EPHA3: variants seen among roughly 807,000 people sequenced by gnomAD.
EPHA3 encodes ephrin type-A receptor 3.
Under a neutral mutation model 107.1 loss-of-function variants are expected in EPHA3, and 42 were observed. That is an observed-to-expected ratio of 0.39 (90% CI 0.31 to 0.51). The LOEUF is 0.51. Among genes scored for constraint, EPHA3 ranks in the 20% least tolerant of loss-of-function variants. The probability of loss-of-function intolerance (pLI) is 0.78; values close to 1 mark genes in which losing one functional copy is unlikely to be tolerated. For missense variants in EPHA3, 1,183 were observed against 1,211.2 expected (o/e 0.98, Z 0.35); for synonymous variants, 461 against 424.8 (o/e 1.09, Z -1.05).
intron 3 of EPHA3, among the ~76,000 whole-genome samples, chr3:89,217,435 A>G (rs908890149): frequency 6.6e-6 from 1 of 152,010 alleles, no homozygotes; most frequent in Admixed American, 6.6e-5. Context: ...AAAACTCTAA[A>G]CTTTGGTCAT....
intron 8 of EPHA3, among the ~76,000 whole-genome samples, chr3:89,407,757 T>C (rs1490484437): frequency 6.6e-6 from 1 of 152,110 alleles, no homozygotes; most frequent in African/African-American, 2.4e-5. Flanking sequence ...GACTTTACCC[T>C]TCATTCCTTC....
At chr3:89,337,473 C>A (rs1707420426) in intron 3 of EPHA3, among the ~76,000 whole-genome samples, 1 of 152,142 alleles carries the variant, frequency 6.6e-6, no homozygotes, top group Admixed American at 6.5e-5. Context: ...TGAGATGGTA[C>A]ATATAAAAGT....
intron 5 of EPHA3, among the ~76,000 whole-genome samples, chr3:89,352,728 A>G (rs1452612742): frequency 6.7e-6 from 1 of 150,234 alleles, no homozygotes; most frequent in Non-Finnish European, 1.5e-5. Context: ...ACATGGTGAA[A>G]CCCTGTCTCT....
intron 3 of EPHA3, among the ~76,000 whole-genome samples, chr3:89,221,129 A>G (rs1704362683): frequency 6.6e-6 from 1 of 152,130 alleles, no homozygotes; most frequent in African/African-American, 2.4e-5. Flanking sequence ...TGGCAGAGAG[A>G]GGCTGAGGTA....
chr3:89,308,200 A>G (rs1251889132), intron 3 of EPHA3, among the ~76,000 whole-genome samples: 2 of 152,188 alleles, frequency 1.3e-5, no homozygotes, highest in East Asian at 3.9e-4. Context: ...CTTTTCAAAG[A>G]ACAAACTGTA....
chr3:89,208,427 A>AAGGAAGGAAGGAAGGAAGGAAGG (rs1559600798), intron 2 of EPHA3, among the ~76,000 whole-genome samples: 6 of 20,134 alleles, frequency 3.0e-4, no homozygotes, highest in African/African-American at 5.5e-4. Flanking sequence ...AGGAAGGAAG[A>AAGGAAGGAAGGAAGGAAGGAAGG]AAGAAAGAAA....
intron 2 of EPHA3, among the ~76,000 whole-genome samples, chr3:89,135,872 C>A (rs1354518784): frequency 6.6e-6 from 1 of 151,380 alleles, no homozygotes; most frequent in Admixed American, 6.6e-5. Context: ...AATCATAGAA[C>A]TGTTTAAAAT....
intron 13 of EPHA3, among the ~76,000 whole-genome samples, chr3:89,436,704 A>G (rs1294896549): frequency 1.3e-5 from 2 of 152,216 alleles, no homozygotes; most frequent in Non-Finnish European, 2.9e-5. Flanking sequence ...GGAGTTGAGG[A>G]AACACCTAAG....
chr3:89,271,397 T>A (rs1485288170), intron 3 of EPHA3, among the ~76,000 whole-genome samples: 1 of 151,998 alleles, frequency 6.6e-6, no homozygotes, highest in African/African-American at 2.4e-5. Flanking sequence ...TCATGATAAA[T>A]GTATTTTTCT....
intron 3 of EPHA3, among the ~76,000 whole-genome samples, chr3:89,279,337 G>T (rs555981193): frequency 2.6e-5 from 4 of 151,752 alleles, no homozygotes; most frequent in South Asian, 2.1e-4. Context: ...TTAGAGAAAA[G>T]GTCGGTGGCC....
At chr3:89,115,594 T>C (rs1707234166) in intron 1 of EPHA3, among the ~76,000 whole-genome samples, 1 of 152,220 alleles carries the variant, frequency 6.6e-6, no homozygotes, top group African/African-American at 2.4e-5. Context: ...AAGACTAATA[T>C]ATCCTCAGTG....
At chr3:89,228,753 G>A (rs527903624) in intron 3 of EPHA3, among the ~76,000 whole-genome samples, 8 of 151,942 alleles carry the variant, frequency 5.3e-5, no homozygotes, top group African/African-American at 1.4e-4. Flanking sequence ...ATGTAAGGAC[G>A]TATGAATGGA....
chr3:89,107,638 C>A lies in EPHA3; in HGVS notation c.-111C>A. 2.0e-6 allele frequency: 2 copies of A among 1,013,888 alleles called. No homozygotes were observed. Among genetic ancestry groups the A allele is most frequent in the Non-Finnish European group, 3.0e-6 (2 of 663,608 alleles). 62.8% of individuals were successfully genotyped at this position (1,013,888 alleles called of 1,614,324 possible). On this transcript the variant is annotated 5_prime_UTR_variant, in exon 1 of 17. Coordinates refer to ENST00000336596, the MANE Select transcript of EPHA3 (RefSeq NM_005233.6). ...TTATCTCCAGTGTCAAACTTGACAT[C>A]AGCCTGCGAGCGGAGCATGGTAACT...
At chr3:89,286,414 T>C (rs1231019419) in intron 3 of EPHA3, among the ~76,000 whole-genome samples, 3 of 152,014 alleles carry the variant, frequency 2.0e-5, no homozygotes, top group East Asian at 3.9e-4. Flanking sequence ...TGGCTCTGTG[T>C]TGGAATTAAA....
At chr3:89,260,579 A>T (rs188882019) in intron 3 of EPHA3, among the ~76,000 whole-genome samples, 3 of 151,854 alleles carry the variant, frequency 2.0e-5, no homozygotes, top group Non-Finnish European at 2.9e-5. Context: ...TAAATTTTGG[A>T]TATTAACCCC....
intron 5 of EPHA3, among the ~76,000 whole-genome samples, chr3:89,344,143 G>T (rs1707591598): frequency 6.6e-6 from 1 of 152,140 alleles, no homozygotes; most frequent in African/African-American, 2.4e-5. Context: ...AAACAGAATT[G>T]TATAAAAACA....
intron 2 of EPHA3, among the ~76,000 whole-genome samples, chr3:89,207,159 TA>T (rs1706124828): frequency 6.6e-6 from 1 of 152,252 alleles, no homozygotes; most frequent in Non-Finnish European, 1.5e-5. Flanking sequence ...GAATTTAGTA[TA>T]AAAAAATTTC....
intron 13 of EPHA3, among the ~76,000 whole-genome samples, chr3:89,447,235 C>A (rs1709893076): frequency 6.6e-6 from 1 of 152,134 alleles, no homozygotes; most frequent in African/African-American, 2.4e-5. Flanking sequence ...CCGGTCTCTC[C>A]AATTTCATTT....
At chr3:89,394,467 C>T (rs1708808880) in intron 5 of EPHA3, among the ~76,000 whole-genome samples, 1 of 152,132 alleles carries the variant, frequency 6.6e-6, no homozygotes, top group Non-Finnish European at 1.5e-5. Flanking sequence ...GAAGGTGTTC[C>T]TATGAGATCT....
Sources: gnomAD v4.1 joint callset for allele counts (sites outside exome capture counted in the v4.1 genomes callset) on GRCh38, gnomAD v4.1.1 for gene constraint, MANE v1.5 for transcripts, NCBI Gene and HGNC (gene_info 2026-07-23, HGNC 2026-07-21) for gene names.